The following RTL4 variants were observed in gnomAD, a reference collection of about 807,000 sequenced individuals.
RTL4 encodes the protein retrotransposon Gag like 4.
A neutral mutation model predicts 5.3 loss-of-function variants in RTL4; 4 were observed. The ratio of observed to expected loss-of-function variants is 0.75; its 90% confidence interval spans 0.37 to 1.72. The LOEUF (loss-of-function observed/expected upper bound fraction) is 1.72. Ranked by LOEUF, RTL4 falls within the 40% of genes most tolerant of loss-of-function variation. The pLI is 0.04. For missense variants in RTL4, 260 were observed against 227.1 expected, an observed-to-expected ratio of 1.14 and a Z score of -0.93; for synonymous variants, 98 against 87.3, an observed-to-expected ratio of 1.12 and a Z score of -0.68.
At chrX:112,228,511 A>C in the RTL4 span, among the ~76,000 whole-genome samples, 1 of 112,774 alleles carries the variant, frequency 8.9e-6, no homozygotes, top group East Asian at 2.8e-4. Flanking sequence ...CACATACACT[A>C]TCATACATAG....
At chrX:112,090,905 G>A in the RTL4 span, among the ~76,000 whole-genome samples, 1 of 110,976 alleles carries the variant, frequency 9.0e-6, no homozygotes, top group Non-Finnish European at 1.9e-5. Context: ...GCAAGGGGTG[G>A]ACTGATCAGT....
chrX:112,276,289 C>T, the RTL4 span, among the ~76,000 whole-genome samples: 1 of 111,558 alleles, frequency 9.0e-6, no homozygotes, highest in African/African-American at 3.3e-5. Flanking sequence ...ACCAAGATGG[C>T]AGTATCTATT....
the RTL4 span, among the ~76,000 whole-genome samples, chrX:112,352,977 A>G: frequency 4.5e-5 from 5 of 111,818 alleles, no homozygotes; most frequent in African/African-American, 1.6e-4. Flanking sequence ...ACACAAACAA[A>G]TTTACAAGAA....
the RTL4 span, among the ~76,000 whole-genome samples, chrX:112,209,615 C>T: frequency 9.0e-5 from 10 of 111,450 alleles, no homozygotes; most frequent in Non-Finnish European, 1.3e-4. Context: ...GGAGTGGAGA[C>T]GATGGGCATT....
chrX:112,301,111 C>T, the RTL4 span, among the ~76,000 whole-genome samples: 2 of 111,515 alleles, frequency 1.8e-5, no homozygotes, highest in Non-Finnish European at 3.8e-5. Flanking sequence ...AGTAGGATTC[C>T]TACAGGCACT....
the RTL4 span, among the ~76,000 whole-genome samples, chrX:112,313,118 G>T: frequency 9.0e-6 from 1 of 111,128 alleles, no homozygotes; most frequent in Admixed American, 9.7e-5. Context: ...AATTGAAATT[G>T]TACACTTACT....
the RTL4 span, among the ~76,000 whole-genome samples, chrX:112,162,155 T>C: frequency 1.8e-5 from 2 of 110,030 alleles, no homozygotes; most frequent in East Asian, 2.9e-4. Flanking sequence ...ATATGATCTG[T>C]GGAAAACTAA....
chrX:112,130,947 C>T, the RTL4 span, among the ~76,000 whole-genome samples: 1 of 107,951 alleles, frequency 9.3e-6, no homozygotes, highest in Admixed American at 9.8e-5. Flanking sequence ...GCTCCCGCCA[C>T]CATGCCCGGC....
At chrX:112,374,472 T>C in the RTL4 span, among the ~76,000 whole-genome samples, 2 of 111,725 alleles carry the variant, frequency 1.8e-5, no homozygotes, top group Admixed American at 9.5e-5. Context: ...TCCTGGCTAT[T>C]TGTGGTCCTT....
the RTL4 span, among the ~76,000 whole-genome samples, chrX:112,278,793 A>AGAG: frequency 9.0e-6 from 1 of 111,232 alleles, no homozygotes; most frequent in East Asian, 2.8e-4. Context: ...TGGAGGGAAC[A>AGAG]GAGGCTATAC....
At chrX:112,183,890 T>C in the RTL4 span, among the ~76,000 whole-genome samples, 45 of 112,027 alleles carry the variant, frequency 4.0e-4, no homozygotes, top group African/African-American at 1.5e-3. Flanking sequence ...ACATTTGGGT[T>C]GGTTCCAAGT....
At chrX:112,364,019 C>T in the RTL4 span, among the ~76,000 whole-genome samples, 1 of 111,832 alleles carries the variant, frequency 8.9e-6, no homozygotes, top group African/African-American at 3.2e-5. Context: ...TTAGTGTCAA[C>T]CCAAGTGTTC....
the RTL4 span, among the ~76,000 whole-genome samples, chrX:112,096,112 T>C: frequency 2.7e-5 from 3 of 112,344 alleles, no homozygotes; most frequent in East Asian, 5.6e-4. Flanking sequence ...CCCTGAGTGA[T>C]GATTGCCAAG....
chrX:112,402,665 G>A, the RTL4 span, among the ~76,000 whole-genome samples: 1 of 110,788 alleles, frequency 9.0e-6, no homozygotes, highest in South Asian at 3.8e-4. Flanking sequence ...CTCCTTCTTG[G>A]GAAATCTGTA....
chrX:112,197,725 G>C, the RTL4 span, among the ~76,000 whole-genome samples: 1 of 111,097 alleles, frequency 9.0e-6, no homozygotes. Flanking sequence ...TGGGTCCCAA[G>C]GTGTTTCACT....
the RTL4 span, among the ~76,000 whole-genome samples, chrX:112,436,123 A>C: frequency 2.7e-5 from 3 of 110,533 alleles, no homozygotes; most frequent in Non-Finnish European, 3.8e-5. Flanking sequence ...AGGTGGAGGC[A>C]GTAGGATTGC....
the RTL4 span, among the ~76,000 whole-genome samples, chrX:112,303,970 C>T: frequency 9.0e-6 from 1 of 110,538 alleles, no homozygotes; most frequent in Non-Finnish European, 1.9e-5. Flanking sequence ...CTACTGACTT[C>T]CACAAACTAC....
At chrX:112,213,485 G>A in the RTL4 span, among the ~76,000 whole-genome samples, 1 of 112,487 alleles carries the variant, frequency 8.9e-6, no homozygotes, top group African/African-American at 3.2e-5. Context: ...GCGCTGGCCA[G>A]ACCACAGTTG....
chrX:112,375,996 G>A, the RTL4 span, among the ~76,000 whole-genome samples: 1 of 111,639 alleles, frequency 9.0e-6, no homozygotes, highest in East Asian at 2.8e-4. Context: ...AGGACAATCA[G>A]ACCAATAAGA....
Sources: gnomAD v4.1 joint callset for allele counts (sites outside exome capture counted in the v4.1 genomes callset) on GRCh38, gnomAD v4.1.1 for gene constraint, MANE v1.5 for transcripts, NCBI Gene and HGNC (gene_info 2026-07-23, HGNC 2026-07-21) for gene names.